Variants in ARHGAP23 observed in about 807,000 individuals in gnomAD.
ARHGAP23 encodes the protein Rho GTPase activating protein 23.
Under a neutral mutation model 136.3 loss-of-function variants are expected in ARHGAP23, and 34 were observed. That is an observed-to-expected ratio of 0.25 (90% CI 0.19 to 0.33). The LOEUF is 0.33. Ranked by LOEUF, ARHGAP23 falls within the 10% of genes least tolerant of loss-of-function variation. The probability of loss-of-function intolerance (pLI) is 1.00; values close to 1 mark genes in which losing one functional copy is unlikely to be tolerated. For missense variants in ARHGAP23, 1,808 were observed against 2,139.0 expected, an observed-to-expected ratio of 0.85 and a Z score of 3.05; for synonymous variants, 832 against 920.5, an observed-to-expected ratio of 0.90 and a Z score of 1.74.
rs557002630 is a variant in ARHGAP23 at position 38,510,882 on chromosome 17, C to T, written c.4386C>T (p.Ala1462=). The T allele has an allele frequency of 1.1e-5, 16 of 1,494,370 alleles. No homozygotes were observed. The highest frequency in any genetic ancestry group is 2.8e-5 in the East Asian group (1 of 35,922). 92.6% of individuals were successfully genotyped at this position (1,494,370 alleles called of 1,614,324 possible). A position where few individuals can be genotyped will look rare whatever the true frequency, so the allele number is the denominator to read the frequency against. ...AGGCGCGGGCCCCGTCGTCCGCTGC[C>T]TCGCAGCCGCCCGCGCCCGGGGACA... is the stretch of plus-strand genomic sequence containing the variant. ...STKARAPSSA[A]SQPPAPGDTG... Residue 1462 remains alanine (A), a synonymous_variant, in exon 24 of 24, where the codon GCC becomes GCT. Transcript: ENST00000622683. The surrounding 1 kb of genome is among the most constrained non-coding windows in gnomAD (Gnocchi z 4.6).
At chr17:38,425,473 C>G (rs1322089709), upstream of ARHGAP23, among the ~76,000 whole-genome samples, 1 of 152,198 alleles carries the variant, frequency 6.6e-6, no homozygotes, top group East Asian at 1.9e-4. Context: ...CCAGGCCCCT[C>G]AAGGGAAGGA....
At chr17:38,435,136 G>A (rs578022584) in intron 1 of ARHGAP23, among the ~76,000 whole-genome samples, 1 of 152,360 alleles carries the variant, frequency 6.6e-6, no homozygotes, top group African/African-American at 2.4e-5. Context: ...AGAAGGGACA[G>A]GCCAAGGGGA....
intron 16 of ARHGAP23, among the ~76,000 whole-genome samples, chr17:38,485,098 C>T (rs574138975): frequency 2.0e-5 from 3 of 152,160 alleles, no homozygotes; most frequent in South Asian, 2.1e-4. Flanking sequence ...AGTTCTTGTA[C>T]TCGACAACCA....
At chr17:38,449,572 T>C (rs1408754572) in intron 1 of ARHGAP23, among the ~76,000 whole-genome samples, 1 of 152,180 alleles carries the variant, frequency 6.6e-6, no homozygotes, top group Non-Finnish European at 1.5e-5. Context: ...CTGAGGAGAC[T>C]GGAGCAGGGT....
At chr17:38,455,264 G>A (rs766728557) in intron 1 of ARHGAP23, among the ~76,000 whole-genome samples, 40 of 152,336 alleles carry the variant, frequency 2.6e-4, no homozygotes, top group Non-Finnish European at 4.4e-4. Flanking sequence ...TCTGGCTTTT[G>A]ATGGGTGTCC....
chr17:38,483,433 A>G (rs1207798103), intron 16 of ARHGAP23, among the ~76,000 whole-genome samples: 4 of 152,202 alleles, frequency 2.6e-5, no homozygotes. Flanking sequence ...CCAGAGTCCT[A>G]GGGTTCCCCA....
At chr17:38,498,908 TCTC>T (rs1158780525) in intron 22 of ARHGAP23, 19 of 695,156 alleles carry the variant, frequency 2.7e-5, no homozygotes, top group Non-Finnish European at 4.7e-5. Flanking sequence ...CCCCTTCTCT[TCTC>T]CTCCCCCTCC....
At chr17:38,500,507 G>A (rs555803557) in intron 22 of ARHGAP23, 90 bp from the exon 23 acceptor site, 35 of 1,189,186 alleles carry the variant, frequency 2.9e-5, no homozygotes, top group African/African-American at 2.6e-4. Flanking sequence ...GGTTTCTGAA[G>A]CCTTTGAGGA....
At chr17:38,481,307 T>C (rs1473877068) in intron 14 of ARHGAP23, among the ~76,000 whole-genome samples, 2 of 152,180 alleles carry the variant, frequency 1.3e-5, no homozygotes, top group East Asian at 3.9e-4. Context: ...CCACCACGCC[T>C]GGCTAATTTT....
chr17:38,458,363 G>C, intron 2 of ARHGAP23, 100 bp downstream of exon 2: 1 of 1,399,464 alleles, frequency 7.1e-7, no homozygotes, highest in Non-Finnish European at 9.4e-7. Context: ...CCCTCTCAGA[G>C]AGGCAGTCCT....
chr17:38,498,354 T>TG, intron 21 of ARHGAP23, 60 bp from the exon 22 acceptor site: 2 of 1,358,012 alleles, frequency 1.5e-6, no homozygotes, highest in Non-Finnish European at 1.0e-6. Flanking sequence ...CACCCCCCTC[T>TG]GGGGGGTTGG....
chr17:38,448,564 T>A (rs1298788715), intron 1 of ARHGAP23, among the ~76,000 whole-genome samples: 1 of 151,682 alleles, frequency 6.6e-6, no homozygotes, highest in Non-Finnish European at 1.5e-5. Context: ...GAGATAGGGC[T>A]CTGACTCAGC....
chr17:38,468,525 G>A (rs1212916009), intron 7 of ARHGAP23, among the ~76,000 whole-genome samples: 1 of 152,194 alleles, frequency 6.6e-6, no homozygotes, highest in African/African-American at 2.4e-5. Context: ...CTACCAGACA[G>A]TGAGAGGGAG....
At chr17:38,502,254 C>T (rs919270293) in intron 23 of ARHGAP23, among the ~76,000 whole-genome samples, 5 of 152,256 alleles carry the variant, frequency 3.3e-5, no homozygotes, top group African/African-American at 1.2e-4. Flanking sequence ...TGCAGTGAGC[C>T]GAGGTCGTGC....
At chr17:38,503,159 G>C (rs376678178) in intron 23 of ARHGAP23, among the ~76,000 whole-genome samples, 2 of 152,242 alleles carry the variant, frequency 1.3e-5, no homozygotes, top group Admixed American at 6.5e-5. Flanking sequence ...CCCAGAGCCC[G>C]TGAAGCAGCA....
intron 23 of ARHGAP23, among the ~76,000 whole-genome samples, chr17:38,509,227 C>T (rs890327574): frequency 1.3e-5 from 2 of 152,118 alleles, no homozygotes; most frequent in Admixed American, 6.5e-5. Flanking sequence ...GTGAGAACAG[C>T]GGCATGAAGT....
rs1490778994 is a variant in ARHGAP23, at chr17:38,460,851, C to G, written c.226-54C>G. Reference sequence around the variant, plus strand: ...CCCTGCCCACTGGAGCTGGGCCACCCCTGGCTGCTGAGGGCTGGACTGACG... The same window carrying G: ...CCCTGCCCACTGGAGCTGGGCCACCGCTGGCTGCTGAGGGCTGGACTGACG... On this transcript the variant is annotated intron_variant, in intron 2 of 23. Transcript: ENST00000622683. 3 of 1,535,898 alleles carry G rather than the reference C, an allele frequency of 2.0e-6. No individual in the cohort carries two copies. In the African/African-American group the frequency reaches 4.1e-5, roughly 21 times the overall value.
chr17:38,469,567 C>T lies in ARHGAP23; in HGVS notation c.1848C>T (p.Ile616=). ...GCCGCTCCTCCTACCTGCTGGCCAT[C>T]ACCACGGAGCGCTCCAAGTCCTGCG... ...AGRRSSYLLA[I]TTERSKSCDD... The change falls in exon 9 of 24, where the codon ATC becomes ATT. Residue 616 remains isoleucine (I), a synonymous_variant. Coordinates refer to ENST00000622683, the MANE Select transcript of ARHGAP23 (RefSeq NM_001199417.2). 1.9e-6 allele frequency: 3 copies of T among 1,548,700 alleles called. No individual in the cohort carries two copies. Among genetic ancestry groups the T allele is most frequent in the Non-Finnish European group, 2.6e-6 (3 of 1,146,732 alleles).
chr17:38,439,044 C>T (rs933763566), intron 1 of ARHGAP23, among the ~76,000 whole-genome samples: 4 of 151,508 alleles, frequency 2.6e-5, no homozygotes, highest in Non-Finnish European at 4.4e-5. Context: ...GGTGTAGTGG[C>T]GGGCACCTGT....
Sources: allele counts gnomAD v4.1 joint callset (sites outside exome capture counted in the v4.1 genomes callset), GRCh38; gene constraint gnomAD v4.1.1; non-coding constraint Gnocchi (gnomAD v3.1); transcripts MANE v1.5; gene names NCBI Gene and HGNC (gene_info 2026-07-23, HGNC 2026-07-21).